FOXN3: variants seen among roughly 807,000 people sequenced by gnomAD.
The protein encoded by FOXN3 is forkhead box protein N3.
A neutral mutation model predicts 38.4 loss-of-function variants in FOXN3; 7 were observed. That is an observed-to-expected ratio of 0.18 (90% CI 0.10 to 0.34). The LOEUF (loss-of-function observed/expected upper bound fraction) is 0.34, where lower values mean the gene tolerates loss of function less well. FOXN3 is among the 10% of genes least tolerant of loss of function. The pLI is 1.00. For missense variants in FOXN3, 456 were observed against 613.4 expected, an observed-to-expected ratio of 0.74 and a Z score of 2.71; for synonymous variants, 230 against 242.2, an observed-to-expected ratio of 0.95 and a Z score of 0.47.
intron 5 of FOXN3, among the ~76,000 whole-genome samples, chr14:89,166,366 T>C (rs1887242492): frequency 6.6e-6 from 1 of 152,152 alleles, no homozygotes; most frequent in African/African-American, 2.4e-5. Flanking sequence ...CAGCCCCTGA[T>C]TTGATGCTGT....
intron 4 of FOXN3, among the ~76,000 whole-genome samples, chr14:89,269,237 A>G (rs2139901863): frequency 6.6e-6 from 1 of 152,282 alleles, no homozygotes; most frequent in East Asian, 1.9e-4. Flanking sequence ...GCCTACGGAA[A>G]GAGGGGCCAA....
At chr14:89,488,011 T>C (rs1444242644) in intron 1 of FOXN3, among the ~76,000 whole-genome samples, 1 of 151,712 alleles carries the variant, frequency 6.6e-6, no homozygotes, top group African/African-American at 2.4e-5. Context: ...GTCTGGCTGA[T>C]ACAAGAGAAA....
rs573696921 is a variant in FOXN3, at chr14:89,508,981, C to T, written c.-14-96491G>A. Among the ~76,000 whole-genome samples, 3 of 152,184 alleles carry T rather than the reference C, an allele frequency of 2.0e-5. No individual in the cohort carries two copies. The South Asian group carries it at 6.2e-4, about 32-fold the overall frequency. On this transcript the variant is annotated intron_variant, in intron 1 of 6. Coordinates refer to the FOXN3 transcript ENST00000345097. ...CTGTGGAGGGATGTCATATCACCTCCCTGGACACCCTCCCACCAGTTTTAC... is the reference window on the plus strand; with the variant it reads ...CTGTGGAGGGATGTCATATCACCTCTCTGGACACCCTCCCACCAGTTTTAC...
At chr14:89,492,947 C>G (rs1411357918) in intron 1 of FOXN3, among the ~76,000 whole-genome samples, 1 of 152,180 alleles carries the variant, frequency 6.6e-6, no homozygotes, top group Admixed American at 6.5e-5. Flanking sequence ...TGCGTGGGTG[C>G]TCAGAAACTC....
intron 2 of FOXN3, among the ~76,000 whole-genome samples, chr14:89,398,046 T>C (rs1398610985): frequency 6.6e-6 from 1 of 152,250 alleles, no homozygotes; most frequent in East Asian, 1.9e-4. Context: ...TAAAATGCTG[T>C]CTTCAGGATT....
intron 3 of FOXN3, among the ~76,000 whole-genome samples, chr14:89,299,054 T>A (rs1031527978): frequency 1.4e-5 from 2 of 147,806 alleles, no homozygotes; most frequent in Non-Finnish European, 3.1e-5. Flanking sequence ...AAACTATAGA[T>A]CCTCCAAAGG....
At chr14:89,302,770 T>A (rs1445733004) in intron 3 of FOXN3, among the ~76,000 whole-genome samples, 1 of 152,124 alleles carries the variant, frequency 6.6e-6, no homozygotes, top group African/African-American at 2.4e-5. Context: ...GCTACTTCTC[T>A]CCCTTTCATC....
intron 1 of FOXN3, among the ~76,000 whole-genome samples, chr14:89,448,091 C>T (rs983072807): frequency 6.6e-6 from 1 of 151,990 alleles, no homozygotes; most frequent in Non-Finnish European, 1.5e-5. Context: ...GGATTACAGG[C>T]GTGAGCCACT....
intron 1 of FOXN3, among the ~76,000 whole-genome samples, chr14:89,525,362 C>T (rs1596307511): frequency 1.3e-5 from 2 of 152,162 alleles, no homozygotes; most frequent in Non-Finnish European, 2.9e-5. Flanking sequence ...AATTAGCATG[C>T]TAAGAGACAC....
intron 3 of FOXN3, among the ~76,000 whole-genome samples, chr14:89,310,472 T>C (rs149014819): frequency 1.4e-4 from 22 of 152,314 alleles, no homozygotes; most frequent in South Asian, 2.1e-4. Flanking sequence ...CCGATTTTCA[T>C]TGGCACGAAA....
chr14:89,316,522 CTTT>C (rs11337389), intron 3 of FOXN3, among the ~76,000 whole-genome samples: 28 of 143,730 alleles, frequency 1.9e-4, no homozygotes, highest in Admixed American at 2.8e-4. Flanking sequence ...TGTCCAACTA[CTTT>C]TTTTTTTTTT....
chr14:89,514,617 A>G (rs1894166082), intron 1 of FOXN3, among the ~76,000 whole-genome samples: 1 of 152,252 alleles, frequency 6.6e-6, no homozygotes, highest in African/African-American at 2.4e-5. Context: ...TATTAGGTGC[A>G]GAGCTTGTGC....
At chr14:89,265,907 C>T (rs918443379) in intron 4 of FOXN3, among the ~76,000 whole-genome samples, 3 of 152,174 alleles carry the variant, frequency 2.0e-5, no homozygotes, top group Non-Finnish European at 4.4e-5. Flanking sequence ...TTCACGTTCC[C>T]TGGTAGGGTG....
At chr14:89,168,290 G>C (rs917050784) in intron 5 of FOXN3, among the ~76,000 whole-genome samples, 3 of 152,082 alleles carry the variant, frequency 2.0e-5, no homozygotes, top group Non-Finnish European at 4.4e-5. Context: ...AGGCTATATT[G>C]GAAAGCACTA....
At chr14:89,247,534 A>G (rs1009828885) in intron 4 of FOXN3, among the ~76,000 whole-genome samples, 2 of 152,174 alleles carry the variant, frequency 1.3e-5, no homozygotes, top group Non-Finnish European at 2.9e-5. Context: ...GTCTAGTGCA[A>G]GGTCTTGAGT....
chr14:89,548,447 G>A lies in FOXN3; in HGVS notation c.-15+70581C>T, dbSNP rs1186613701. The stretch of plus-strand genomic sequence containing the variant: ...GTAACAGAGACGGAAAAATCAAAGC[G>A]GTAGATAATTTAAAAATTATTCATA... On this transcript the variant is annotated intron_variant, in intron 1 of 6. Coordinates refer to the FOXN3 transcript ENST00000345097. The surrounding 1 kb of genome is among the most constrained non-coding windows in gnomAD (Gnocchi z 4.8). 4.6e-5 allele frequency among the ~76,000 whole-genome samples: 7 copies of A among 152,150 alleles called. No homozygotes were observed. Among genetic ancestry groups the A allele is most frequent in the South Asian group, 2.1e-4 (1 of 4,822 alleles).
At chr14:89,191,416 T>C (rs550909713) in intron 4 of FOXN3, among the ~76,000 whole-genome samples, 211 of 152,236 alleles carry the variant, frequency 1.4e-3, no homozygotes, top group African/African-American at 4.7e-3. Flanking sequence ...TCCAAATAAA[T>C]GAAGTGTGCA....
intron 4 of FOXN3, among the ~76,000 whole-genome samples, chr14:89,249,463 G>A (rs73323137): frequency 4.1e-4 from 62 of 152,308 alleles, no homozygotes; most frequent in African/African-American, 1.3e-3. Flanking sequence ...AGTCAGCAAC[G>A]CAGACACCGT....
chr14:89,594,231 T>C lies in FOXN3; in HGVS notation c.-15+24797A>G, dbSNP rs546913728. Among the ~76,000 whole-genome samples the C allele has an allele frequency of 1.2e-4, 18 of 152,362 alleles. No homozygotes were observed. The South Asian group carries it at 3.7e-3, about 32-fold the overall frequency. On this transcript the variant is annotated intron_variant, in intron 1 of 6. Coordinates refer to the FOXN3 transcript ENST00000345097. ...TTTCCATTGTGCCTGTACATCAGGA[T>C]AGAACTACTGACTTACAGAATACGC... is the stretch of plus-strand genomic sequence containing the variant.
Sources: allele counts gnomAD v4.1 joint callset (sites outside exome capture counted in the v4.1 genomes callset), GRCh38; gene constraint gnomAD v4.1.1; non-coding constraint Gnocchi (gnomAD v3.1); transcripts MANE v1.5; gene names NCBI Gene and HGNC (gene_info 2026-07-23, HGNC 2026-07-21).